The following SLAIN2 variants were observed in gnomAD, a reference collection of about 807,000 sequenced individuals.
SLAIN2 encodes SLAIN family member 2.
In SLAIN2, 31 loss-of-function variants were observed where a neutral mutation model predicts 56.6. The observed-to-expected ratio is 0.55, with a 90% CI of 0.41 to 0.74. The LOEUF (loss-of-function observed/expected upper bound fraction) is 0.74, where lower values mean the gene tolerates loss of function less well. Ranked by LOEUF, SLAIN2 falls within the 30% of genes least tolerant of loss-of-function variation. The probability of loss-of-function intolerance (pLI) is 0.00; values close to 1 mark genes in which losing one functional copy is unlikely to be tolerated. For missense variants in SLAIN2, 777 were observed against 754.2 expected (o/e 1.03, Z -0.35); for synonymous variants, 317 against 284.9 (o/e 1.11, Z -1.13).
chr4:48,408,409 A>G (rs1553904822), intron 6 of SLAIN2, among the ~76,000 whole-genome samples: 3 of 151,914 alleles, frequency 2.0e-5, no homozygotes, highest in Admixed American at 1.3e-4. Context: ...GGCAATTTCT[A>G]TCACCTAGTA....
intron 1 of SLAIN2, among the ~76,000 whole-genome samples, chr4:48,353,250 G>A (rs907752503): frequency 6.6e-6 from 1 of 152,170 alleles, no homozygotes; most frequent in Non-Finnish European, 1.5e-5. Context: ...TGAGATGTCA[G>A]AACAGTAGAT....
chr4:48,378,292 A>G (rs2109759726), intron 3 of SLAIN2, among the ~76,000 whole-genome samples: 1 of 152,346 alleles, frequency 6.6e-6, no homozygotes, highest in Non-Finnish European at 1.5e-5. Flanking sequence ...AGTACCTAAA[A>G]GTTTGTAAGT....
In SLAIN2 at chr4:48,420,136, G is replaced by A; in HGVS notation, c.1372G>A (p.Gly458Ser). 1 of 1,613,704 alleles carries A rather than the reference G, an allele frequency of 6.2e-7. No individual in the cohort carries two copies. The highest frequency in any genetic ancestry group is 8.5e-7 in the Non-Finnish European group (1 of 1,179,702). Residue 458 changes from glycine (G) to serine (S), a missense_variant, in exon 7 of 8, where the codon GGC (glycine) becomes AGC (serine). Transcript: ENST00000264313. ...TTGCCATCCCACAGTACCTTCTCCA[G>A]GCAAATTCCGTTCCCCTGCAGCACC... ...QPQASAIPSP[G>S]KFRSPAAPSP...
chr4:48,356,537 G>A (rs1715161485), intron 1 of SLAIN2, among the ~76,000 whole-genome samples: 1 of 152,130 alleles, frequency 6.6e-6, no homozygotes, highest in Admixed American at 6.6e-5. Flanking sequence ...TGCAGCTATT[G>A]CCACAATTTG....
At chr4:48,396,699 ACAAAT>A (rs1010386711) in intron 6 of SLAIN2, among the ~76,000 whole-genome samples, 15 of 152,336 alleles carry the variant, frequency 9.8e-5, no homozygotes, top group African/African-American at 3.6e-4. Flanking sequence ...AAATTGGCAC[ACAAAT>A]CAATTCATCC....
intron 1 of SLAIN2, among the ~76,000 whole-genome samples, chr4:48,367,230 A>C (rs1266618490): frequency 6.6e-6 from 1 of 152,246 alleles, no homozygotes; most frequent in Non-Finnish European, 1.5e-5. Flanking sequence ...TACCTGACCA[A>C]GGAATTTTGT....
At chr4:48,413,950 G>C (rs1462770500) in intron 6 of SLAIN2, among the ~76,000 whole-genome samples, 1 of 152,098 alleles carries the variant, frequency 6.6e-6, no homozygotes, top group Non-Finnish European at 1.5e-5. Context: ...AGGGTTAAGT[G>C]CATGCCTGAA....
intron 6 of SLAIN2, among the ~76,000 whole-genome samples, chr4:48,396,164 A>G (rs1390628263): frequency 1.3e-5 from 2 of 152,120 alleles, no homozygotes; most frequent in East Asian, 1.9e-4. Flanking sequence ...AAGCTACCAA[A>G]CTACCTATCC....
chr4:48,420,007 C>A, intron 6 of SLAIN2, 118 bp from the exon 7 acceptor site: 1 of 985,384 alleles, frequency 1.0e-6, no homozygotes, highest in Non-Finnish European at 1.5e-6. Context: ...GTTTGCATTG[C>A]TGTGAAGTTT....
At chr4:48,404,522 A>ATGAT (rs1716643258) in intron 6 of SLAIN2, among the ~76,000 whole-genome samples, 1 of 152,236 alleles carries the variant, frequency 6.6e-6, no homozygotes, top group Non-Finnish European at 1.5e-5. Flanking sequence ...AACAATTAAA[A>ATGAT]TGATAGGAGT....
chr4:48,422,297 A>G lies in SLAIN2; in HGVS notation c.*220A>G. ...TGGTAATCATACAATCACTCTCCATAGAATCACTTTTAGTTTTGTTTAATA... is the reference window on the plus strand; with the variant it reads ...TGGTAATCATACAATCACTCTCCATGGAATCACTTTTAGTTTTGTTTAATA... On this transcript the variant is annotated 3_prime_UTR_variant, in exon 8 of 8. Coordinates refer to ENST00000264313, the MANE Select transcript of SLAIN2 (RefSeq NM_020846.2). 1 of 443,544 alleles carries G rather than the reference A, an allele frequency of 2.3e-6. No individual in the cohort carries two copies. Among genetic ancestry groups the G allele is most frequent in the Non-Finnish European group, 4.0e-6 (1 of 247,552 alleles). The allele number at this position is 443,544 out of a possible 1,614,324, so 27.5% of individuals were successfully genotyped here. A position where few individuals can be genotyped will look rare whatever the true frequency, so the allele number is the denominator to read the frequency against.
intron 1 of SLAIN2, among the ~76,000 whole-genome samples, chr4:48,344,201 A>G (rs949092947): frequency 6.6e-6 from 1 of 152,178 alleles, no homozygotes; most frequent in Non-Finnish European, 1.5e-5. Flanking sequence ...TAGGTGTCCT[A>G]TACTTTTTCT....
intron 1 of SLAIN2, among the ~76,000 whole-genome samples, chr4:48,350,447 A>T (rs577111354): frequency 8.5e-5 from 13 of 152,362 alleles, no homozygotes; most frequent in African/African-American, 3.1e-4. Context: ...TTTGGGCAGT[A>T]AATAGCAGAA....
chr4:48,388,471 C>T (rs1345016736), intron 6 of SLAIN2, among the ~76,000 whole-genome samples: 3 of 152,108 alleles, frequency 2.0e-5, no homozygotes, highest in Non-Finnish European at 4.4e-5. Context: ...ACACAATCTA[C>T]TGATTTAAAA....
chr4:48,345,621 A>C (rs993684700), intron 1 of SLAIN2, among the ~76,000 whole-genome samples: 3 of 152,020 alleles, frequency 2.0e-5, no homozygotes, highest in African/African-American at 7.2e-5. Flanking sequence ...GTGTCTTCCT[A>C]ACCTAGTTTT....
At chr4:48,397,539 C>T (rs1395799409) in intron 6 of SLAIN2, among the ~76,000 whole-genome samples, 1 of 152,056 alleles carries the variant, frequency 6.6e-6, no homozygotes, top group African/African-American at 2.4e-5. Flanking sequence ...GGTACATGTG[C>T]AGGATGTGCA....
chr4:48,350,222 A>G (rs1714975136), intron 1 of SLAIN2, among the ~76,000 whole-genome samples: 2 of 152,182 alleles, frequency 1.3e-5, no homozygotes, highest in African/African-American at 4.8e-5. Flanking sequence ...TGATGTTGCT[A>G]CTGCTCCTCA....
At chr4:48,393,386 T>TTG (rs57142552) in intron 6 of SLAIN2, among the ~76,000 whole-genome samples, 5,022 of 135,392 alleles carry the variant, frequency 0.037, 122 homozygotes, top group Middle Eastern at 0.06. Context: ...CATGTCTGGC[T>TTG]TGTGTGTGTG....
chr4:48,348,544 G>C (rs1446293521), intron 1 of SLAIN2, among the ~76,000 whole-genome samples: 2 of 151,990 alleles, frequency 1.3e-5, no homozygotes, highest in East Asian at 3.9e-4. Flanking sequence ...AAAAATATTA[G>C]CTGGGCATGG....
Sources: allele counts gnomAD v4.1 joint callset (sites outside exome capture counted in the v4.1 genomes callset), GRCh38; gene constraint gnomAD v4.1.1; transcripts MANE v1.5; gene names NCBI Gene and HGNC (gene_info 2026-07-23, HGNC 2026-07-21).